ZSWIM9: variants seen among roughly 807,000 people sequenced by gnomAD.
ZSWIM9 encodes zinc finger SWIM-type containing 9.
A neutral mutation model predicts 25.0 loss-of-function variants in ZSWIM9; 11 were observed. The ratio of observed to expected loss-of-function variants is 0.44; its 90% CI spans 0.28 to 0.73. ZSWIM9 has a LOEUF of 0.73. Ranked by LOEUF, ZSWIM9 falls within the 30% of genes least tolerant of loss-of-function variation. The pLI, the probability that ZSWIM9 is intolerant of heterozygous loss-of-function variation, is 0.16. For synonymous variants in ZSWIM9, 562 were observed against 582.1 expected (o/e 0.97, Z 0.50); for missense variants, 1,070 against 1,296.5 (o/e 0.83, Z 2.68).
In ZSWIM9 at chr19:48,195,435, G is replaced by A; in HGVS notation, c.1371G>A (p.Glu457=). The change falls in exon 4 of 4, where the codon GAG becomes GAA. Residue 457 remains glutamate (E), a synonymous_variant. Transcript: ENST00000614654. This position sits in a 1 kb window ranked among gnomAD's most constrained non-coding sequence, Gnocchi z 5.8. ...PDGGGPWLED[E]PGRGAQGENE... ...GCGGGGGGCCTTGGCTGGAGGATGAGCCAGGGAGGGGAGCCCAGGGGGAGA... is the reference window on the plus strand; with the variant it reads ...GCGGGGGGCCTTGGCTGGAGGATGAACCAGGGAGGGGAGCCCAGGGGGAGA... 1 of 1,442,220 alleles carries A rather than the reference G, an allele frequency of 6.9e-7. No homozygotes were observed. The highest frequency in any genetic ancestry group is 1.5e-5 in the South Asian group (1 of 68,640). 89.3% of individuals were successfully genotyped at this position (1,442,220 alleles called of 1,614,324 possible).
intron 2 of ZSWIM9, among the ~76,000 whole-genome samples, chr19:48,176,655 G>C (rs1004738642): frequency 9.9e-5 from 15 of 152,000 alleles, no homozygotes; most frequent in African/African-American, 3.6e-4. Flanking sequence ...TTGTTTCTGG[G>C]CACCAGCCTA....
At chr19:48,183,679 C>A (rs899030274) in intron 3 of ZSWIM9, among the ~76,000 whole-genome samples, 7 of 151,010 alleles carry the variant, frequency 4.6e-5, no homozygotes, top group African/African-American at 1.5e-4. Flanking sequence ...TCACTGTCAC[C>A]CAGGCTGAGT....
At chr19:48,180,754 CT>C (rs71297705) in intron 2 of ZSWIM9, 3,815 of 134,494 alleles carry the variant, frequency 0.028, 43 homozygotes, top group Admixed American at 0.053. Flanking sequence ...TTTCTTTTTT[CT>C]TTTTTTTTTT....
intron 1 of ZSWIM9, chr19:48,171,324 G>A: frequency 1.0e-6 from 1 of 985,358 alleles, no homozygotes; most frequent in Non-Finnish European, 1.2e-6. Flanking sequence ...GTCTTTGGAG[G>A]GGTTACAGCC....
At position 48,196,021 on chromosome 19, in the gene ZSWIM9, G is replaced by A; in HGVS notation, c.1957G>A (p.Glu653Lys). Reference sequence around the variant, plus strand: ...ATGGAAGGGGCCACAGTCAGAAGTAGAGAAGGGGAGGGGGCTGGAGGTCAG... The same window carrying A: ...ATGGAAGGGGCCACAGTCAGAAGTAAAGAAGGGGAGGGGGCTGGAGGTCAG... ...AEWKGPQSEVEKGRGLEVRNL... is the reference protein window; with the variant it reads ...AEWKGPQSEVKKGRGLEVRNL... Residue 653 changes from glutamate (E) to lysine (K), a missense_variant, in exon 4 of 4, where the codon GAG (glutamate) becomes AAG (lysine). By Grantham distance (56) the Glu-to-Lys change is moderately conservative (BLOSUM62 1). Around this residue, in one of 4 missense-constraint regions of ZSWIM9, gnomAD observed 583 missense variants for 624.7 expected, o/e 0.93. Coordinates refer to ENST00000614654, the MANE Select transcript of ZSWIM9 (RefSeq NM_199341.4). The A allele has an allele frequency of 7.9e-7, 1 of 1,270,802 alleles. No homozygotes were observed. The highest frequency in any genetic ancestry group is 9.9e-7 in the Non-Finnish European group (1 of 1,010,588). The allele number at this position is 1,270,802 out of a possible 1,614,324, so 78.7% of individuals were successfully genotyped here. A position where few individuals can be genotyped will look rare whatever the true frequency, so the allele number is the denominator to read the frequency against.
Position 48,196,502 on chromosome 19 carries a change from C to CG in ZSWIM9, c.2441dup (p.Glu815ArgfsTer26), listed in dbSNP as rs1568585366. 1 of 1,232,398 alleles carries CG rather than the reference C, an allele frequency of 8.1e-7. No individual in the cohort carries two copies. The highest frequency in any genetic ancestry group is 1.6e-5 in the African/African-American group (1 of 64,380). 76.3% of individuals were successfully genotyped at this position (1,232,398 alleles called of 1,614,324 possible). A position where few individuals can be genotyped will look rare whatever the true frequency, so the allele number is the denominator to read the frequency against. On this transcript the variant is annotated frameshift_variant, in exon 4 of 4. Coordinates refer to ENST00000614654, the MANE Select transcript of ZSWIM9 (RefSeq NM_199341.4). LOFTEE classifies it high-confidence loss of function. ...GAACCAAAGAGGCTTTGCCGACCCC[C>CG]GGGAGAGGAGGAGGTGGACTGGGAA... is the stretch of plus-strand genomic sequence containing the variant.
intron 3 of ZSWIM9, among the ~76,000 whole-genome samples, chr19:48,183,803 A>G (rs1338884994): frequency 6.7e-6 from 1 of 148,676 alleles, no homozygotes; most frequent in African/African-American, 2.5e-5. Context: ...CACCCAGCTA[A>G]TTTTTTAGTT....
chr19:48,182,672 C>T lies in ZSWIM9; in HGVS notation c.493C>T (p.Arg165Cys), dbSNP rs975156546. The stretch of plus-strand genomic sequence containing the variant: ...GCAGTTCGTGGCCCCAGCCGACGTG[C>T]GCCGCCTGCTGTCCTACTGCAAGGG... ...SKQFVAPADVRRLLSYCKGRD... is the reference protein window; with the variant it reads ...SKQFVAPADVCRLLSYCKGRD... Residue 165 changes from arginine to cysteine, a missense_variant, in exon 3 of 4, where the codon CGC becomes TGC. This residue lies in a region of ZSWIM9 where 265 missense variants were observed against 339.0 expected (regional missense o/e 0.78). Coordinates refer to ENST00000614654, the MANE Select transcript of ZSWIM9 (RefSeq NM_199341.4). This position sits in a 1 kb window ranked among gnomAD's most constrained non-coding sequence, Gnocchi z 4.6. 1.5e-5 allele frequency: 23 copies of T among 1,535,666 alleles called. No homozygotes were observed. The Admixed American group carries it at 2.6e-4, about 17-fold the overall frequency.
Position 48,194,947 on chromosome 19 carries a change from G to C in ZSWIM9, c.883G>C (p.Gly295Arg), listed in dbSNP as rs2037139321. 7 of 1,324,186 alleles carry C rather than the reference G, an allele frequency of 5.3e-6. No homozygotes were observed. Among genetic ancestry groups the C allele is most frequent in the African/African-American group, 1.6e-5 (1 of 62,876 alleles). 82.0% of individuals were successfully genotyped at this position (1,324,186 alleles called of 1,614,324 possible). A position where few individuals can be genotyped will look rare whatever the true frequency, so the allele number is the denominator to read the frequency against. ...GGGCCGCGTGCGCTGCCTCACCGCC[G>C]GGCCCGAGGTGGCGGCGCAGTTGCC... ...VKGRVRCLTA[G>R]PEVAAQLPAV... Residue 295 changes from glycine (G) to arginine (R), a missense_variant, in exon 4 of 4, where the codon GGG (glycine) becomes CGG (arginine). Around this residue, in one of 4 missense-constraint regions of ZSWIM9, gnomAD observed 184 missense variants for 243.1 expected, o/e 0.76. Coordinates refer to ENST00000614654, the MANE Select transcript of ZSWIM9 (RefSeq NM_199341.4). This position sits in a 1 kb window ranked among gnomAD's most constrained non-coding sequence, Gnocchi z 6.0.
chr19:48,187,794 A>G (rs975742515), intron 3 of ZSWIM9: 1 of 149,280 alleles, frequency 6.7e-6, no homozygotes, highest in African/African-American at 2.5e-5. Flanking sequence ...AAAAAAAAAA[A>G]ATTAGGCATG....
chr19:48,186,382 C>A (rs1436499683), intron 3 of ZSWIM9, among the ~76,000 whole-genome samples: 1 of 152,086 alleles, frequency 6.6e-6, no homozygotes, highest in Non-Finnish European at 1.5e-5. Context: ...CTCACTATAA[C>A]CTCCACCTCC....
At chr19:48,171,107 T>C (rs773748781) in intron 1 of ZSWIM9, 6 of 363,064 alleles carry the variant, frequency 1.7e-5, no homozygotes, top group Non-Finnish European at 2.3e-5. Flanking sequence ...GATAACTGCA[T>C]GTGGGGAGTA....
chr19:48,193,975 G>C (rs2037128015), intron 3 of ZSWIM9, among the ~76,000 whole-genome samples: 1 of 152,146 alleles, frequency 6.6e-6, no homozygotes, highest in African/African-American at 2.4e-5. Context: ...CTCAGTGCAT[G>C]GAGAAATGAA....
rs990543181 is a variant in ZSWIM9 at position 48,195,422 on chromosome 19, G to A, written c.1358G>A (p.Trp453Ter). Residue 453 changes from tryptophan (W) to a stop codon, truncating the protein, a stop_gained, in exon 4 of 4, where the codon TGG (tryptophan) becomes TAG (stop). Coordinates refer to ENST00000614654, the MANE Select transcript of ZSWIM9 (RefSeq NM_199341.4). LOFTEE classifies it low-confidence loss of function (END_TRUNC). This position sits in a 1 kb window ranked among gnomAD's most constrained non-coding sequence, Gnocchi z 5.8. Reference protein sequence around the residue: ...VPEGPDGGGPWLEDEPGRGAQ... With the variant: ...VPEGPDGGGP ...GAGGGGCCCGATGGCGGGGGGCCTT[G>A]GCTGGAGGATGAGCCAGGGAGGGGA... The A allele has an allele frequency of 2.1e-6, 3 of 1,451,456 alleles. No homozygotes were observed. Among genetic ancestry groups the A allele is most frequent in the Non-Finnish European group, 2.7e-6 (3 of 1,111,098 alleles). 89.9% of individuals were successfully genotyped at this position (1,451,456 alleles called of 1,614,324 possible).
Position 48,196,735 on chromosome 19 carries a change from A to T in ZSWIM9, c.2671A>T (p.Arg891Ter). The change falls in exon 4 of 4, where the codon AGA becomes TGA. Residue 891 changes from arginine to a stop codon, truncating the protein, a stop_gained. Coordinates refer to ENST00000614654, the MANE Select transcript of ZSWIM9 (RefSeq NM_199341.4). LOFTEE classifies it high-confidence loss of function. ...TCACGCCGCCCGCCGTCTGCCCTGCAGACACCTCTTTGCAGCGCGCCTCCT... is the reference window on the plus strand; with the variant it reads ...TCACGCCGCCCGCCGTCTGCCCTGCTGACACCTCTTTGCAGCGCGCCTCCT... ...SIHAARRLPC[R>*]HLFAARLLTG... is the part of the protein sequence containing the mutation. 1 of 1,233,486 alleles carries T rather than the reference A, an allele frequency of 8.1e-7. No homozygotes were observed. The highest frequency in any genetic ancestry group is 1.0e-6 in the Non-Finnish European group (1 of 988,958). 76.4% of individuals were successfully genotyped at this position (1,233,486 alleles called of 1,614,324 possible).
At position 48,185,383 on chromosome 19, in the gene ZSWIM9, C is replaced by T. The variant is rs1410514962; in HGVS notation, c.588+2616C>T. 2.6e-5 allele frequency among the ~76,000 whole-genome samples: 4 copies of T among 152,314 alleles called. No homozygotes were observed. The East Asian group carries it at 7.7e-4, about 29-fold the overall frequency. On this transcript the variant is annotated intron_variant, in intron 3 of 3. Coordinates refer to ENST00000614654, the MANE Select transcript of ZSWIM9 (RefSeq NM_199341.4). ...CTCCTGACCTCAGGTGATCCCCCCG[C>T]CTTGGCCTCCCAAAGTGCTGGGATT...
chr19:48,186,432 C>G (rs1044061000), intron 3 of ZSWIM9: 4 of 152,468 alleles, frequency 2.6e-5, no homozygotes, highest in African/African-American at 9.7e-5. Flanking sequence ...TCCTGAGTAA[C>G]TGGGACTATA....
In ZSWIM9 at chr19:48,195,923, G is replaced by C; in HGVS notation, c.1859G>C (p.Arg620Thr). The change falls in exon 4 of 4, where the codon AGG becomes ACG. Residue 620 changes from arginine (R) to threonine (T), a missense_variant. Physicochemically the swap from Arg to Thr is moderately conservative, Grantham distance 71. Around this residue, in one of 4 missense-constraint regions of ZSWIM9, gnomAD observed 583 missense variants for 624.7 expected, o/e 0.93. Transcript: ENST00000614654. This position sits in a 1 kb window ranked among gnomAD's most constrained non-coding sequence, Gnocchi z 5.8. ...ACCCAGTTTGACTATGAGAGGGTCA[G>C]GAGTCTTGAAGGAAGCCCCTGGAGG... ...RGTQFDYERV[R>T]SLEGSPWRGA... The C allele has an allele frequency of 3.7e-6, 5 of 1,366,144 alleles. No individual in the cohort carries two copies. Among genetic ancestry groups the C allele is most frequent in the Non-Finnish European group, 4.7e-6 (5 of 1,064,640 alleles). The allele number at this position is 1,366,144 out of a possible 1,614,324, so 84.6% of individuals were successfully genotyped here.
At chr19:48,179,847 T>C (rs575956784) in intron 2 of ZSWIM9, among the ~76,000 whole-genome samples, 1 of 152,258 alleles carries the variant, frequency 6.6e-6, no homozygotes, top group East Asian at 1.9e-4. Context: ...ACAATACCAA[T>C]TTATTTATCT....
Sources: allele counts gnomAD v4.1 joint callset (sites outside exome capture counted in the v4.1 genomes callset), GRCh38; gene constraint gnomAD v4.1.1; regional missense constraint gnomAD v4.1.1; non-coding constraint Gnocchi (gnomAD v3.1); transcripts MANE v1.5; gene names NCBI Gene and HGNC (gene_info 2026-07-23, HGNC 2026-07-21).